LMAN1: variants seen among roughly 807,000 people sequenced by gnomAD.
LMAN1 encodes protein ERGIC-53.
LMAN1 carries 32 observed loss-of-function variants against 67.8 expected under a neutral mutation model. The ratio of observed to expected loss-of-function variants is 0.47; its 90% confidence interval spans 0.36 to 0.63. The LOEUF is 0.63. Among genes scored for constraint, LMAN1 ranks in the 30% least tolerant of loss-of-function variants. LMAN1 has a pLI of 0.00. For missense variants in LMAN1, 632 were observed against 628.2 expected, an observed-to-expected ratio of 1.01 and a Z score of -0.06; for synonymous variants, 235 against 219.3, an observed-to-expected ratio of 1.07 and a Z score of -0.63.
At chr18:59,332,010 T>G (rs1374211388) in intron 11 of LMAN1, among the ~76,000 whole-genome samples, 1 of 152,186 alleles carries the variant, frequency 6.6e-6, no homozygotes, top group Non-Finnish European at 1.5e-5. Context: ...CTCTACAATC[T>G]CATATCATTC....
chr18:59,351,765 A>C (rs945347948), intron 5 of LMAN1, among the ~76,000 whole-genome samples: 3 of 152,186 alleles, frequency 2.0e-5, no homozygotes, highest in Non-Finnish European at 4.4e-5. Context: ...GACAGTCTGC[A>C]CCCACCATGC....
intron 8 of LMAN1, among the ~76,000 whole-genome samples, chr18:59,344,145 A>T (rs908163795): frequency 1.3e-5 from 2 of 152,152 alleles, no homozygotes; most frequent in African/African-American, 4.8e-5. Flanking sequence ...AAGACAACAG[A>T]TGTTGTCAAG....
At chr18:59,346,084 A>G in intron 7 of LMAN1, 33 bp from the exon 8 acceptor site, 1 of 1,538,064 alleles carries the variant, frequency 6.5e-7, no homozygotes, top group Non-Finnish European at 8.9e-7. Flanking sequence ...AGATCATTAA[A>G]AAGATAAGAA....
intron 8 of LMAN1, among the ~76,000 whole-genome samples, chr18:59,341,181 C>T (rs1046020022): frequency 6.6e-6 from 1 of 151,898 alleles, no homozygotes; most frequent in African/African-American, 2.4e-5. Context: ...TTTATATGCA[C>T]CCAACATTAG....
intron 8 of LMAN1, among the ~76,000 whole-genome samples, 172 bp downstream of exon 8, chr18:59,345,747 A>G (rs150114233): frequency 9.1e-4 from 138 of 152,300 alleles, no homozygotes; most frequent in African/African-American, 3.2e-3. Context: ...AAAAATGCCA[A>G]TCTCTTGACT....
intron 8 of LMAN1, among the ~76,000 whole-genome samples, chr18:59,341,662 A>T (rs1908290891): frequency 6.6e-6 from 1 of 152,108 alleles, no homozygotes; most frequent in East Asian, 1.9e-4. Context: ...ATGAAAATGG[A>T]AACACCAAAC....
At chr18:59,358,349 T>C (rs1908708751) in intron 1 of LMAN1, among the ~76,000 whole-genome samples, 1 of 152,210 alleles carries the variant, frequency 6.6e-6, no homozygotes, top group Non-Finnish European at 1.5e-5. Flanking sequence ...AATATATCCC[T>C]TCTCCTAAAA....
chr18:59,339,353 G>A (rs1345939502), intron 8 of LMAN1, among the ~76,000 whole-genome samples: 3 of 152,068 alleles, frequency 2.0e-5, no homozygotes, highest in East Asian at 3.9e-4. Context: ...AGAAGAAATG[G>A]GAAGCACCAA....
chr18:59,347,488 T>G (rs915589294), intron 7 of LMAN1, 25 bp downstream of exon 7: 1 of 1,582,070 alleles, frequency 6.3e-7, no homozygotes, highest in Non-Finnish European at 8.7e-7. Context: ...ACTGATAAAG[T>G]TTTTGAAAAT....
intron 3 of LMAN1, 34 bp downstream of exon 3, chr18:59,355,279 T>G: frequency 6.8e-7 from 1 of 1,469,018 alleles, no homozygotes; most frequent in Non-Finnish European, 9.5e-7. Context: ...GATAGATGTA[T>G]TAAAGTGGAT....
At chr18:59,334,926 T>C (rs1473550154) in intron 10 of LMAN1, among the ~76,000 whole-genome samples, 1 of 152,202 alleles carries the variant, frequency 6.6e-6, no homozygotes, top group Non-Finnish European at 1.5e-5. Context: ...ATTAACTTAC[T>C]GTATGCATGA....
At chr18:59,331,375 A>T (rs369367097) in intron 12 of LMAN1, 43 bp downstream of exon 12, 60 of 1,552,050 alleles carry the variant, frequency 3.9e-5, no homozygotes, top group Admixed American at 3.8e-4. Flanking sequence ...CTAATTAAAC[A>T]GATGCAGAAA....
Position 59,331,532 on chromosome 18 carries a change from T to A in LMAN1, c.1382A>T (p.Asn461Ile). The change falls in exon 12 of 13, where the codon AAT (asparagine) becomes ATT (isoleucine). Residue 461 changes from asparagine (N) to isoleucine (I), a missense_variant. Transcript: ENST00000251047. ...TAGTTCTGGGCATTTCGGCTTTTCATTTGATGGCTGTAAGGCAAATGACTT... is the reference window on the plus strand; with the variant it reads ...TAGTTCTGGGCATTTCGGCTTTTCAATTGATGGCTGTAAGGCAAATGACTT... Reference protein sequence around the residue: ...DNLVQRNMPSNEKPKCPELPP... With the variant: ...DNLVQRNMPSIEKPKCPELPP... 6.2e-7 allele frequency: 1 copy of A among 1,613,280 alleles called. No individual in the cohort carries two copies. The highest frequency in any genetic ancestry group is 8.5e-7 in the Non-Finnish European group (1 of 1,179,380).
At chr18:59,353,432 C>T (rs1045769610) in intron 4 of LMAN1, 131 bp from the exon 5 acceptor site, 8 of 705,458 alleles carry the variant, frequency 1.1e-5, no homozygotes, top group African/African-American at 1.1e-4. Flanking sequence ...CAAAAGACTA[C>T]ACGAGACTAC....
chr18:59,339,040 C>T (rs1008187586), intron 8 of LMAN1, 87 bp from the exon 9 acceptor site: 4 of 1,099,156 alleles, frequency 3.6e-6, no homozygotes, highest in Non-Finnish European at 5.5e-6. Context: ...TGCCAACATT[C>T]AGCAAAATTA....
chr18:59,336,463 A>G (rs1433080963), intron 10 of LMAN1, among the ~76,000 whole-genome samples: 3 of 152,246 alleles, frequency 2.0e-5, no homozygotes, highest in African/African-American at 7.2e-5. Context: ...ACTGTAACCT[A>G]TGGAATAAGT....
At chr18:59,348,974 A>C in intron 6 of LMAN1, 139 bp downstream of exon 6, 1 of 994,812 alleles carries the variant, frequency 1.0e-6, no homozygotes, top group Non-Finnish European at 1.6e-6. Context: ...AGACCAAAAG[A>C]CTGGCACAAG....
chr18:59,333,292 T>C lies in LMAN1; in HGVS notation c.1221-48A>G, dbSNP rs1215662381. On this transcript the variant is annotated intron_variant, in intron 10 of 12. Transcript: ENST00000251047. The stretch of plus-strand genomic sequence containing the variant: ...ACAATAAAATCACTATAAAGTTTTT[T>C]TTTTTCAGTCACAGATCTCCAATAC... The C allele has an allele frequency of 4.0e-6, 6 of 1,517,408 alleles. No homozygotes were observed. In the African/African-American group the frequency reaches 8.3e-5, roughly 21 times the overall value. 94.0% of individuals were successfully genotyped at this position (1,517,408 alleles called of 1,614,324 possible). A position where few individuals can be genotyped will look rare whatever the true frequency, so the allele number is the denominator to read the frequency against.
chr18:59,331,155 TAAA>T, intron 12 of LMAN1, 26 bp from the exon 13 acceptor site: 1 of 1,602,108 alleles, frequency 6.2e-7, no homozygotes, highest in Non-Finnish European at 8.5e-7. Flanking sequence ...AACAAACACT[TAAA>T]GAAGTTCTAT....
Sources: gnomAD v4.1 joint callset for allele counts (sites outside exome capture counted in the v4.1 genomes callset) on GRCh38, gnomAD v4.1.1 for gene constraint, MANE v1.5 for transcripts, NCBI Gene and HGNC (gene_info 2026-07-23, HGNC 2026-07-21) for gene names.